The following BRWD1 variants were observed in gnomAD, a reference collection of about 807,000 sequenced individuals.
BRWD1 encodes the protein bromodomain and WD repeat domain containing 1, also known as bromodomain and WD repeat-containing protein 1.
BRWD1 carries 82 observed loss-of-function variants against 251.2 expected under a neutral mutation model. That is an observed-to-expected ratio of 0.33 (90% CI 0.27 to 0.39). BRWD1 has a LOEUF of 0.39. Among genes scored for constraint, BRWD1 ranks in the 10% least tolerant of loss-of-function variants. The probability of loss-of-function intolerance (pLI) is 1.00; values close to 1 mark genes in which losing one functional copy is unlikely to be tolerated. For missense variants in BRWD1, 2,233 were observed against 2,711.6 expected (o/e 0.82, Z 3.92); for synonymous variants, 918 against 902.8 (o/e 1.02, Z -0.30).
chr21:39,309,577 C>A (rs2036401070), intron 4 of BRWD1, among the ~76,000 whole-genome samples: 1 of 151,744 alleles, frequency 6.6e-6, no homozygotes, highest in African/African-American at 2.4e-5. Context: ...GTAATCCCAG[C>A]ACTTTGGGAG....
At chr21:39,200,530 A>G in intron 38 of BRWD1, 144 bp from the exon 39 acceptor site, 2 of 659,658 alleles carry the variant, frequency 3.0e-6, no homozygotes, top group South Asian at 7.4e-5. Context: ...TTTTTTAAAA[A>G]CCATTCCCAA....
intron 4 of BRWD1, among the ~76,000 whole-genome samples, chr21:39,309,316 T>C (rs537704832): frequency 6.8e-6 from 1 of 147,334 alleles, no homozygotes; most frequent in South Asian, 2.1e-4. Context: ...CCAGGTGTGG[T>C]GGCACATGCC....
chr21:39,307,889 GATCT>G (rs1266943134), intron 4 of BRWD1, among the ~76,000 whole-genome samples: 1 of 152,082 alleles, frequency 6.6e-6, no homozygotes, highest in Non-Finnish European at 1.5e-5. Context: ...TGACTATAGA[GATCT>G]ATCATTCTAT....
intron 34 of BRWD1, among the ~76,000 whole-genome samples, chr21:39,211,417 C>T (rs932958832): frequency 5.9e-5 from 9 of 152,024 alleles, no homozygotes; most frequent in Non-Finnish European, 1.3e-4. Context: ...AGTATAGCCA[C>T]AAAAGTTATT....
intron 34 of BRWD1, among the ~76,000 whole-genome samples, chr21:39,212,409 T>C (rs896313347): frequency 2.6e-5 from 4 of 152,156 alleles, no homozygotes; most frequent in African/African-American, 9.7e-5. Context: ...TGCCATGCCA[T>C]ATTTCTCTAC....
intron 2 of BRWD1, 24 bp from the exon 3 acceptor site, chr21:39,313,125 A>G: frequency 6.7e-7 from 1 of 1,492,748 alleles, no homozygotes; most frequent in Non-Finnish European, 8.9e-7. Context: ...ACGCGCGGTC[A>G]GGGGTGGGGT....
chr21:39,274,315 G>A lies in BRWD1; in HGVS notation c.1244+59C>T, dbSNP rs555496523. ...AGAGACACAGAGAGCGAGAGAGAGA[G>A]AGAGAGAGAGACAGATCGAACACCT... On this transcript the variant is annotated intron_variant, in intron 13 of 40. Coordinates refer to ENST00000342449, the MANE Select transcript of BRWD1 (RefSeq NM_033656.4). The A allele has an allele frequency of 2.9e-4, 374 of 1,304,322 alleles. 1 individual carries two copies. The East Asian group carries it at 7.9e-3, about 28-fold the overall frequency. The allele number at this position is 1,304,322 out of a possible 1,614,324, so 80.8% of individuals were successfully genotyped here.
intron 32 of BRWD1, 135 bp downstream of exon 32, chr21:39,215,102 G>A (rs564879553): frequency 7.6e-5 from 58 of 767,950 alleles, no homozygotes; most frequent in Non-Finnish European, 1.1e-4. Flanking sequence ...ATGCCTGACC[G>A]CAAGTGATCT....
Position 39,194,747 on chromosome 21 carries a change from T to A in BRWD1, c.*1512A>T. On this transcript the variant is annotated 3_prime_UTR_variant, in exon 41 of 41. Coordinates refer to ENST00000342449, the MANE Select transcript of BRWD1 (RefSeq NM_033656.4). ...TTCAAAGATACACAGGAGAAAAGGT[T>A]TTGTCTGAAACCAAACACAATTAGG... 1 of 1,535,288 alleles carries A rather than the reference T, an allele frequency of 6.5e-7. No homozygotes were observed. The highest frequency in any genetic ancestry group is 8.7e-7 in the Non-Finnish European group (1 of 1,146,040).
intron 20 of BRWD1, among the ~76,000 whole-genome samples, chr21:39,249,897 G>C (rs535476304): frequency 2.0e-5 from 3 of 147,372 alleles, no homozygotes; most frequent in Non-Finnish European, 4.5e-5. Context: ...ACAGAACCAA[G>C]ATCAAAAAAA....
At chr21:39,228,430 G>T in intron 27 of BRWD1, 70 bp downstream of exon 27, 1 of 1,048,390 alleles carries the variant, frequency 9.5e-7, no homozygotes, top group Non-Finnish European at 1.5e-6. Flanking sequence ...GAGTCCCACA[G>T]CCAAAAAGGT....
chr21:39,309,389 T>C (rs1420830469), intron 4 of BRWD1, among the ~76,000 whole-genome samples: 9 of 148,676 alleles, frequency 6.1e-5, no homozygotes, highest in Admixed American at 6.0e-4. Context: ...GCCTGGGAAA[T>C]GGAGGCTTCA....
intron 21 of BRWD1, among the ~76,000 whole-genome samples, chr21:39,241,732 T>C (rs1189411827): frequency 6.6e-6 from 1 of 152,138 alleles, no homozygotes; most frequent in African/African-American, 2.4e-5. Context: ...TTTTTACAAA[T>C]TGAAGTTTTG....
At chr21:39,207,451 AACAC>A (rs58765400) in intron 36 of BRWD1, among the ~76,000 whole-genome samples, 14,112 of 131,278 alleles carry the variant, frequency 0.11, 882 homozygotes, top group East Asian at 0.14. Flanking sequence ...AAAAAAAGAA[AACAC>A]ACACACACAC....
At chr21:39,311,531 A>G (rs1407549876) in intron 4 of BRWD1, among the ~76,000 whole-genome samples, 1 of 152,228 alleles carries the variant, frequency 6.6e-6, no homozygotes, top group East Asian at 1.9e-4. Flanking sequence ...TCTCTCAGGT[A>G]GCACGACAAC....
At chr21:39,267,070 AG>A (rs2034945671) in intron 15 of BRWD1, among the ~76,000 whole-genome samples, 1 of 152,270 alleles carries the variant, frequency 6.6e-6, no homozygotes. Flanking sequence ...TTAAAACGAC[AG>A]AAAAATTGTC....
chr21:39,315,774 C>T (rs937224708), upstream of BRWD1: 1 of 151,268 alleles, frequency 6.6e-6, no homozygotes, highest in Non-Finnish European at 1.5e-5. Context: ...TGAGCCACAG[C>T]TTTGCCATCA....
In BRWD1 at chr21:39,193,925, CA is replaced by C. The variant is rs1489478662; in HGVS notation, c.*2333del. The C allele has an allele frequency of 1.0e-6, 1 of 985,272 alleles. No individual in the cohort carries two copies. Among genetic ancestry groups the C allele is most frequent in the Non-Finnish European group, 1.2e-6 (1 of 829,590 alleles). The allele number at this position is 985,272 out of a possible 1,614,324, so 61.0% of individuals were successfully genotyped here. A position where few individuals can be genotyped will look rare whatever the true frequency, so the allele number is the denominator to read the frequency against. ...TTAACCTTAGGAATAGCACCATAAC[CA>C]AAAAAACCCATAAAAATTATTTTCT... On this transcript the variant is annotated 3_prime_UTR_variant, in exon 41 of 41. Transcript: ENST00000342449.
chr21:39,286,384 C>T (rs1005550578), intron 8 of BRWD1, among the ~76,000 whole-genome samples: 23 of 152,004 alleles, frequency 1.5e-4, no homozygotes, highest in Non-Finnish European at 3.2e-4. Flanking sequence ...GTGCAGCCAT[C>T]GCCACTACCT....
Sources: allele counts gnomAD v4.1 joint callset (sites outside exome capture counted in the v4.1 genomes callset), GRCh38; gene constraint gnomAD v4.1.1; transcripts MANE v1.5; gene names NCBI Gene and HGNC (gene_info 2026-07-23, HGNC 2026-07-21).